Variants in PHF6 observed in about 807,000 individuals in gnomAD.
PHF6 encodes PHD-like zinc finger protein.
Under a neutral mutation model 34.0 loss-of-function variants are expected in PHF6, and 7 were observed. That is an observed-to-expected ratio of 0.21 (90% CI 0.12 to 0.39). PHF6 has a LOEUF of 0.39. Among genes scored for constraint, PHF6 ranks in the 10% least tolerant of loss-of-function variants. The probability of loss-of-function intolerance (pLI) is 1.00; values close to 1 mark genes in which losing one functional copy is unlikely to be tolerated. For missense variants in PHF6, 128 were observed against 262.8 expected, an observed-to-expected ratio of 0.49 and a Z score of 3.55; for synonymous variants, 89 against 88.4, an observed-to-expected ratio of 1.01 and a Z score of -0.04.
intron 10 of PHF6, 53 bp downstream of exon 10, chrX:134,425,383 A>G (rs1385115285): frequency 2.2e-5 from 26 of 1,168,273 alleles, no homozygotes; most frequent in Non-Finnish European, 3.0e-5. Context: ...ACACACTGAT[A>G]TATACATGTT....
chrX:134,393,688 G>C (rs1228843405), intron 4 of PHF6, 54 bp downstream of exon 4: 13 of 1,099,422 alleles, frequency 1.2e-5, no homozygotes, highest in Non-Finnish European at 1.6e-5. Context: ...ACTTTCTTTG[G>C]GCTTTTGTAA....
rs1291116490 is a variant in PHF6 at position 134,427,221 on chromosome X, C to T, written c.*1561C>T. ...AGTAGTGGGTTGCCCTGTATGTTTT[C>T]TCTTTTTGCTCTTAATATGCCATTG... On this transcript the variant is annotated 3_prime_UTR_variant, in exon 11 of 11. Transcript: ENST00000370803. 6.1e-6 allele frequency: 1 copy of T among 162,779 alleles called. No homozygotes were observed. Among genetic ancestry groups the T allele is most frequent in the Non-Finnish European group, 1.2e-5 (1 of 84,329 alleles). 13.4% of individuals were successfully genotyped at this position (162,779 alleles called of 1,213,427 possible).
At chrX:134,403,511 G>A (rs2077411216) in intron 5 of PHF6, among the ~76,000 whole-genome samples, 1 of 112,558 alleles carries the variant, frequency 8.9e-6, no homozygotes, top group Non-Finnish European at 1.9e-5. Context: ...AAGGTGCAAG[G>A]TGAAAGCAGC....
intron 3 of PHF6, among the ~76,000 whole-genome samples, chrX:134,381,635 C>T (rs777072984): frequency 9.1e-6 from 1 of 109,844 alleles, no homozygotes; most frequent in Non-Finnish European, 1.9e-5. Context: ...GGTCAGATTA[C>T]AGGCATGTGC....
At chrX:134,419,090 G>C (rs1294857764) in intron 9 of PHF6, 1 of 111,335 alleles carries the variant, frequency 9.0e-6, no homozygotes, top group East Asian at 2.8e-4. Flanking sequence ...GGGCTCAAGC[G>C]TTCTCCCTGC....
intron 5 of PHF6, 73 bp from the exon 6 acceptor site, chrX:134,413,418 T>C: frequency 1.9e-6 from 2 of 1,047,229 alleles, no homozygotes; most frequent in African/African-American, 1.8e-5. Flanking sequence ...GAGAAACATA[T>C]GTCCTAAAGA....
chrX:134,384,916 G>A (rs961055730), intron 3 of PHF6, among the ~76,000 whole-genome samples: 6 of 111,618 alleles, frequency 5.4e-5, no homozygotes, highest in Non-Finnish European at 9.4e-5. Flanking sequence ...CTCCCAAAGT[G>A]CTGGGATTAC....
Position 134,406,114 on chromosome X carries a change from T to C in PHF6, c.419-7377T>C, listed in dbSNP as rs200472473. On this transcript the variant is annotated intron_variant, in intron 5 of 10. Transcript: ENST00000370803. ...TCTTTCTTTCTTTCTTTCTTTCTTT[T>C]TTTTTTTACTCTGACAAACATTTAT... Among the ~76,000 whole-genome samples the C allele has an allele frequency of 1.9e-3, 80 of 42,395 alleles. No individual in the cohort carries two copies. The East Asian group carries it at 0.045, about 24-fold the overall frequency. 36.8% of individuals were successfully genotyped at this position (42,395 alleles called of 115,157 possible). A position where few individuals can be genotyped will look rare whatever the true frequency, so the allele number is the denominator to read the frequency against.
At chrX:134,422,090 G>A (rs1274893461) in intron 9 of PHF6, among the ~76,000 whole-genome samples, 1 of 109,972 alleles carries the variant, frequency 9.1e-6, no homozygotes. Context: ...CATTATACCC[G>A]GCTAATTTTT....
At chrX:134,375,993 C>A (rs765424264) in intron 1 of PHF6, among the ~76,000 whole-genome samples, 1 of 111,451 alleles carries the variant, frequency 9.0e-6, no homozygotes, top group Non-Finnish European at 1.9e-5. Flanking sequence ...TATCCGTTGT[C>A]ATTTGGACGA....
intron 9 of PHF6, 51 bp downstream of exon 9, chrX:134,417,353 TA>T (rs779833292): frequency 1.8e-6 from 2 of 1,139,164 alleles, no homozygotes; most frequent in South Asian, 3.7e-5. Flanking sequence ...TAACCGTCCT[TA>T]AATAGATGAC....
At chrX:134,419,772 C>T (rs1175289741) in intron 9 of PHF6, 1 of 111,510 alleles carries the variant, frequency 9.0e-6, no homozygotes, top group Non-Finnish European at 1.9e-5. Flanking sequence ...TTCTTATGTT[C>T]CCCTCTAATT....
chrX:134,407,840 G>A (rs867190001), intron 5 of PHF6, among the ~76,000 whole-genome samples: 8 of 111,565 alleles, frequency 7.2e-5, no homozygotes, highest in Middle Eastern at 4.6e-3. Flanking sequence ...TGGGAGGTCA[G>A]GAGGTCAGGG....
At chrX:134,415,723 C>T (rs769996031) in intron 8 of PHF6, among the ~76,000 whole-genome samples, 12 of 110,315 alleles carry the variant, frequency 1.1e-4, no homozygotes, top group South Asian at 3.8e-4. Context: ...TCAAACATAC[C>T]GCAATTGGAA....
intron 5 of PHF6, among the ~76,000 whole-genome samples, chrX:134,410,797 G>C (rs1161663948): frequency 9.6e-6 from 1 of 104,693 alleles, no homozygotes; most frequent in Admixed American, 1.0e-4. Flanking sequence ...ACAGGCACGC[G>C]ACACCATACC....
Position 134,393,944 on chromosome X carries a change from A to T in PHF6, c.410A>T (p.Asn137Ile). ...YCRKHKKTAHNSEADLEESFN... is the reference protein window; with the variant it reads ...YCRKHKKTAHISEADLEESFN... ...CGAAAACACAAGAAAACTGCACATA[A>T]CTCCGAAGGTACATCATTTAGCCAC... is the stretch of plus-strand genomic sequence containing the variant. The change falls in exon 5 of 11, where the codon AAC becomes ATC. Residue 137 changes from asparagine (N) to isoleucine (I), a missense_variant. Physicochemically the swap from Asn to Ile is moderately radical, Grantham distance 149. Coordinates refer to ENST00000370803, the MANE Select transcript of PHF6 (RefSeq NM_001015877.2). 8.3e-7 allele frequency: 1 copy of T among 1,210,607 alleles called. No homozygotes were observed. Among genetic ancestry groups the T allele is most frequent in the Non-Finnish European group, 1.1e-6 (1 of 894,820 alleles).
At chrX:134,401,913 AT>A (rs946284339) in intron 5 of PHF6, among the ~76,000 whole-genome samples, 1 of 112,443 alleles carries the variant, frequency 8.9e-6, no homozygotes, top group African/African-American at 3.2e-5. Flanking sequence ...TATCTTAAAA[AT>A]GTTATAATTT....
At chrX:134,408,548 G>A (rs892658884) in intron 5 of PHF6, among the ~76,000 whole-genome samples, 1 of 107,935 alleles carries the variant, frequency 9.3e-6, no homozygotes, top group Non-Finnish European at 1.9e-5. Flanking sequence ...ATTATCACTG[G>A]TGAGGTTGGG....
At chrX:134,413,701 G>A in intron 6 of PHF6, 44 bp downstream of exon 6, 1 of 1,197,059 alleles carries the variant, frequency 8.4e-7, no homozygotes, top group African/African-American at 1.7e-5. Context: ...GTTGCACCAT[G>A]AATATTTCAT....
Sources: gnomAD v4.1 joint callset for allele counts (sites outside exome capture counted in the v4.1 genomes callset) on GRCh38, gnomAD v4.1.1 for gene constraint, MANE v1.5 for transcripts, NCBI Gene and HGNC (gene_info 2026-07-23, HGNC 2026-07-21) for gene names.